Variants in CSMD2 observed in about 807,000 individuals in gnomAD.
The protein encoded by CSMD2 is CUB and Sushi multiple domains 2.
In CSMD2, 130 loss-of-function variants were observed where a neutral mutation model predicts 398.5. The ratio of observed to expected loss-of-function variants is 0.33; its 90% confidence interval spans 0.28 to 0.38. The LOEUF (loss-of-function observed/expected upper bound fraction) is 0.38, where lower values mean the gene tolerates loss of function less well. Among genes scored for constraint, CSMD2 ranks in the 10% least tolerant of loss-of-function variants. The pLI is 1.00. For synonymous variants in CSMD2, 1,828 were observed against 1,908.5 expected, an observed-to-expected ratio of 0.96 and a Z score of 1.10; for missense variants, 3,829 against 4,764.9, an observed-to-expected ratio of 0.80 and a Z score of 5.78.
chr1:34,063,646 A>G (rs897707836), intron 2 of CSMD2, among the ~76,000 whole-genome samples: 2 of 152,100 alleles, frequency 1.3e-5, no homozygotes, highest in African/African-American at 4.8e-5. Flanking sequence ...GGCTGCTTTC[A>G]TGGGCTGGCA....
chr1:33,688,258 C>T (rs1645120538), intron 25 of CSMD2, among the ~76,000 whole-genome samples: 1 of 152,118 alleles, frequency 6.6e-6, no homozygotes, highest in Non-Finnish European at 1.5e-5. Flanking sequence ...GGTCTATAGA[C>T]ATTGACATGA....
intron 29 of CSMD2, among the ~76,000 whole-genome samples, chr1:33,639,110 T>G (rs777176987): frequency 6.6e-6 from 1 of 152,220 alleles, no homozygotes; most frequent in African/African-American, 2.4e-5. Context: ...TTCCTCCTTC[T>G]CTCAGTCTGG....
At chr1:33,710,398 A>G (rs1346511168) in intron 21 of CSMD2, among the ~76,000 whole-genome samples, 1 of 150,556 alleles carries the variant, frequency 6.6e-6, no homozygotes, top group Non-Finnish European at 1.5e-5. Context: ...ATAAATATTT[A>G]CTGAATGAAT....
chr1:34,147,409 T>C (rs1557427756), intron 1 of CSMD2, among the ~76,000 whole-genome samples: 1 of 144,100 alleles, frequency 6.9e-6, no homozygotes, highest in East Asian at 2.1e-4. Flanking sequence ...GGGAGGAGGA[T>C]GGTCAGAAGG....
At chr1:33,825,822 C>A in intron 6 of CSMD2, 48 bp from the exon 7 acceptor site, 1 of 1,496,976 alleles carries the variant, frequency 6.7e-7, no homozygotes, top group Admixed American at 1.7e-5. Context: ...TGCCTGTGAC[C>A]AGGGATAAGG....
intron 1 of CSMD2, among the ~76,000 whole-genome samples, chr1:34,124,373 G>C (rs1226531417): frequency 3.3e-5 from 5 of 152,134 alleles, no homozygotes; most frequent in African/African-American, 1.2e-4. Context: ...GAAAGGGAAG[G>C]GCATAGGAGT....
intron 64 of CSMD2, among the ~76,000 whole-genome samples, chr1:33,531,044 G>T (rs1441069181): frequency 6.6e-6 from 1 of 152,124 alleles, no homozygotes; most frequent in Non-Finnish European, 1.5e-5. Context: ...GTACATCATG[G>T]TGACCATAGT....
At chr1:33,619,367 A>G (rs1283836964) in intron 37 of CSMD2, among the ~76,000 whole-genome samples, 3 of 152,218 alleles carry the variant, frequency 2.0e-5, no homozygotes, top group African/African-American at 4.8e-5. Context: ...CAGTGCCCAC[A>G]GGCAGCTAGG....
chr1:33,522,281 G>C (rs12564170), intron 67 of CSMD2, among the ~76,000 whole-genome samples: 40,216 of 152,036 alleles, frequency 0.26, 5,779 homozygotes, highest in East Asian at 0.38. Flanking sequence ...CAAAAGGCTC[G>C]ACGCTTGTCT....
chr1:33,953,289 A>G (rs116322164), intron 3 of CSMD2, among the ~76,000 whole-genome samples: 1,880 of 152,186 alleles, frequency 0.012, 39 homozygotes, highest in African/African-American at 0.042. Flanking sequence ...CATATTAAAC[A>G]CCTGCCCAGG....
At chr1:33,849,790 A>AT (rs1638565802) in intron 5 of CSMD2, among the ~76,000 whole-genome samples, 3 of 151,052 alleles carry the variant, frequency 2.0e-5, no homozygotes, top group African/African-American at 7.3e-5. Context: ...TATTTTGGAT[A>AT]GCATCTCCAA....
chr1:33,571,790 A>G, intron 50 of CSMD2, 64 bp from the exon 51 acceptor site: 2 of 1,246,560 alleles, frequency 1.6e-6, no homozygotes, highest in Non-Finnish European at 1.1e-6. Flanking sequence ...ACCTTGTAAG[A>G]GCCCAGATCT....
intron 5 of CSMD2, chr1:33,863,087 C>T (rs112678128): frequency 1.3e-5 from 2 of 152,158 alleles, no homozygotes; most frequent in African/African-American, 4.8e-5. Context: ...GCTGTTCAAC[C>T]TTGAACATGT....
intron 3 of CSMD2, among the ~76,000 whole-genome samples, chr1:34,016,013 C>CTGTGTGTGTGTGTGTG (rs72213161): frequency 6.7e-6 from 1 of 148,998 alleles, no homozygotes; most frequent in Non-Finnish European, 1.5e-5. Context: ...ACTCCTTGCT[C>CTGTGTGTGTGTGTGTG]TGTGTGTGTG....
intron 5 of CSMD2, among the ~76,000 whole-genome samples, chr1:33,903,869 G>T (rs927101712): frequency 1.3e-5 from 2 of 152,128 alleles, no homozygotes; most frequent in Admixed American, 6.5e-5. Flanking sequence ...AAAAACAGTG[G>T]TTTTTGTTTT....
rs140546404 is a variant in CSMD2, at chr1:33,580,205, G to C, written c.7387+548C>G. The stretch of plus-strand genomic sequence containing the variant: ...CTTGTGAAGTTTTCTTCCAACCACA[G>C]ACAGTAATCCCCATGACGAGAGATC... On this transcript the variant is annotated intron_variant, in intron 48 of 70. Coordinates refer to ENST00000373381, the MANE Select transcript of CSMD2 (RefSeq NM_001281956.2). Among the ~76,000 whole-genome samples the C allele has an allele frequency of 3.7e-3, 569 of 152,182 alleles. 5 individuals are homozygous for C. Among genetic ancestry groups the C allele is most frequent in the African/African-American group, 0.013 (537 of 41,542 alleles).
Position 33,714,576 on chromosome 1 carries a change from T to G in CSMD2, c.3406+11A>C, listed in dbSNP as rs748627089. 2 of 1,612,574 alleles carry G rather than the reference T, an allele frequency of 1.2e-6. No individual in the cohort carries two copies. Among genetic ancestry groups the G allele is most frequent in the South Asian group, 1.1e-5 (1 of 91,008 alleles). On this transcript the variant is annotated intron_variant, in intron 21 of 70. Coordinates refer to ENST00000373381, the MANE Select transcript of CSMD2 (RefSeq NM_001281956.2). Reference sequence around the variant, plus strand: ...ATTAGTGAAGCAAAATGAAAGCACGTGACCACCTACCAACACACCTTGGCA... The same window carrying G: ...ATTAGTGAAGCAAAATGAAAGCACGGGACCACCTACCAACACACCTTGGCA...
intron 13 of CSMD2, among the ~76,000 whole-genome samples, chr1:33,749,457 T>G (rs867248031): frequency 1.3e-5 from 2 of 152,164 alleles, no homozygotes; most frequent in African/African-American, 4.8e-5. Flanking sequence ...AGGAGAAAAT[T>G]CATAGCTTTA....
chr1:33,855,353 A>T (rs968782791), intron 5 of CSMD2, among the ~76,000 whole-genome samples: 1 of 152,058 alleles, frequency 6.6e-6, no homozygotes. Context: ...TGGAACTTCT[A>T]TCAGGAAGGT....
Sources: allele counts gnomAD v4.1 joint callset (sites outside exome capture counted in the v4.1 genomes callset), GRCh38; gene constraint gnomAD v4.1.1; transcripts MANE v1.5; gene names NCBI Gene and HGNC (gene_info 2026-07-23, HGNC 2026-07-21).